Variants in STAT1 observed in about 807,000 individuals in gnomAD.
STAT1 encodes signal transducer and activator of transcription 1.
A neutral mutation model predicts 111.7 loss-of-function variants in STAT1; 24 were observed. That is an observed-to-expected ratio of 0.21 (90% CI 0.16 to 0.30). The LOEUF (loss-of-function observed/expected upper bound fraction) is 0.30, where lower values mean the gene tolerates loss of function less well. STAT1 is among the 10% of genes least tolerant of loss of function. The pLI, the probability that STAT1 is intolerant of heterozygous loss-of-function variation, is 1.00. For synonymous variants in STAT1, 332 were observed against 326.5 expected (o/e 1.02, Z -0.18); for missense variants, 351 against 911.9 (o/e 0.38, Z 7.92).
In STAT1 at chr2:190,987,005, T is replaced by A. The variant is rs1402888480; in HGVS notation, c.1127+34A>T. On this transcript the variant is annotated intron_variant, in intron 13 of 24. Transcript: ENST00000361099. This position sits in a 1 kb window ranked among gnomAD's most constrained non-coding sequence, Gnocchi z 4.0. ...CTTCCAACTATTAAATAAATAAAAA[T>A]ATAGCACAGTATAGCGTAAAGTACG... 2 of 1,610,374 alleles carry A rather than the reference T, an allele frequency of 1.2e-6. No homozygotes were observed. The highest frequency in any genetic ancestry group is 1.7e-4 in the Middle Eastern group (1 of 6,022).
At chr2:191,008,882 C>T (rs1224147924) in intron 4 of STAT1, 81 bp downstream of exon 4, 1 of 1,469,656 alleles carries the variant, frequency 6.8e-7, no homozygotes, top group African/African-American at 1.4e-5. Context: ...AGTGTGTGCT[C>T]AATTGTATTT....
At chr2:191,013,838 A>C (rs961909698) in intron 1 of STAT1, 160 bp from the exon 2 acceptor site, 23 of 393,706 alleles carry the variant, frequency 5.8e-5, no homozygotes, top group Non-Finnish European at 8.9e-5. Context: ...GAGCAGTGCC[A>C]TCTCCGAGAA....
In STAT1 at chr2:191,006,206, C is replaced by G. The variant is rs1048887197; in HGVS notation, c.372+1357G>C. ...GCATACTACTTTTAGGATGGAAGCC[C>G]CATATAATCAAAACTGCCGGCTGAA... On this transcript the variant is annotated intron_variant, in intron 5 of 24. Coordinates refer to ENST00000361099, the MANE Select transcript of STAT1 (RefSeq NM_007315.4). The surrounding 1 kb of genome is among the most constrained non-coding windows in gnomAD (Gnocchi z 4.6). Among the ~76,000 whole-genome samples the G allele has an allele frequency of 7.2e-5, 11 of 152,138 alleles. No homozygotes were observed.
chr2:190,994,927 A>AAAAAAAAAT (rs1165918318), intron 10 of STAT1, 134 bp downstream of exon 10: 3 of 134,084 alleles, frequency 2.2e-5, no homozygotes, highest in African/African-American at 1.2e-4. Flanking sequence ...AAAAAAAAAA[A>AAAAAAAAAT]ATATATATAT....
intron 10 of STAT1, among the ~76,000 whole-genome samples, chr2:190,992,474 T>TA (rs555870517): frequency 1.0e-4 from 15 of 146,114 alleles, no homozygotes; most frequent in South Asian, 4.3e-4. Context: ...GTCAAGAGAA[T>TA]AAAAAAAAAA....
chr2:190,997,164 C>T lies in STAT1; in HGVS notation c.785+692G>A, dbSNP rs1305986804. On this transcript the variant is annotated intron_variant, in intron 9 of 24. Coordinates refer to ENST00000361099, the MANE Select transcript of STAT1 (RefSeq NM_007315.4). This position sits in a 1 kb window ranked among gnomAD's most constrained non-coding sequence, Gnocchi z 7.3. ...TCTCCCACATGTGTGCCTTTGCACACGCTGTGCTCTGTGCTGGAAAGCACT... is the reference window on the plus strand; with the variant it reads ...TCTCCCACATGTGTGCCTTTGCACATGCTGTGCTCTGTGCTGGAAAGCACT... 2.0e-5 allele frequency among the ~76,000 whole-genome samples: 3 copies of T among 152,226 alleles called. No homozygotes were observed. Among genetic ancestry groups the T allele is most frequent in the Admixed American group, 6.5e-5 (1 of 15,290 alleles).
chr2:190,972,880 G>T lies in STAT1; in HGVS notation c.2238+1950C>A, dbSNP rs1691613787. 2.0e-5 allele frequency among the ~76,000 whole-genome samples: 3 copies of T among 149,284 alleles called. No homozygotes were observed. The East Asian group carries it at 6.0e-4, about 30-fold the overall frequency. ...AATGGATTTATTTTATTCTACAAAT[G>T]AAATGAATAAAATCACCTGAAATGG... On this transcript the variant is annotated intron_variant, in intron 24 of 24. Transcript: ENST00000361099.
intron 24 of STAT1, among the ~76,000 whole-genome samples, chr2:190,972,908 CG>C (rs1451390738): frequency 6.6e-6 from 1 of 150,774 alleles, no homozygotes; most frequent in Non-Finnish European, 1.5e-5. Context: ...TGAAATGGAA[CG>C]GAATGGCTAC....
chr2:191,010,864 A>T (rs1574674912), intron 2 of STAT1, among the ~76,000 whole-genome samples: 2 of 152,364 alleles, frequency 1.3e-5, no homozygotes, highest in South Asian at 2.1e-4. Flanking sequence ...GATCCTAAAG[A>T]TTCAAAATCA....
Position 190,980,644 on chromosome 2 carries a change from G to A in STAT1, c.1608C>T (p.Leu536=). 6.2e-7 allele frequency: 1 copy of A among 1,614,186 alleles called. No homozygotes were observed. The highest frequency in any genetic ancestry group is 8.5e-7 in the Non-Finnish European group (1 of 1,180,028). Residue 536 remains leucine, a synonymous_variant, in exon 19 of 25, where the codon CTC becomes CTT. Coordinates refer to ENST00000361099, the MANE Select transcript of STAT1 (RefSeq NM_007315.4). This position sits in a 1 kb window ranked among gnomAD's most constrained non-coding sequence, Gnocchi z 6.1. ...CCTTACAAAACCTCGTCCACGGAAT[G>A]AGACCATCGGGGCTGGCGTTAGGAC... The part of the protein sequence containing the change: ...LLGPNASPDG[L]IPWTRFCKEN...
Position 191,012,846 on chromosome 2 carries a change from A to G in STAT1, c.-2+679T>C. On this transcript the variant is annotated intron_variant, in intron 2 of 24. Coordinates refer to ENST00000361099, the MANE Select transcript of STAT1 (RefSeq NM_007315.4). The surrounding 1 kb of genome is among the most constrained non-coding windows in gnomAD (Gnocchi z 4.0). ...ACAAATTTTTGCGTCTCTAAATCCT[A>G]TAGCATTCAAAGCTATGTACAAAAG... Among the ~76,000 whole-genome samples the G allele has an allele frequency of 6.6e-6, 1 of 152,208 alleles. No homozygotes were observed.
rs1376472637 is a variant in STAT1 at position 190,996,280 on chromosome 2, G to A, written c.786-1061C>T. ...TTATTCACTTGCAGTAATGACAGAA[G>A]AAAACCTTTTAAAAGTGTCTTCTTC... On this transcript the variant is annotated intron_variant, in intron 9 of 24. Coordinates refer to ENST00000361099, the MANE Select transcript of STAT1 (RefSeq NM_007315.4). The surrounding 1 kb of genome is among the most constrained non-coding windows in gnomAD (Gnocchi z 4.5). Among the ~76,000 whole-genome samples the A allele has an allele frequency of 6.6e-6, 1 of 152,146 alleles. No individual in the cohort carries two copies. The highest frequency in any genetic ancestry group is 1.5e-5 in the Non-Finnish European group (1 of 68,038).
At chr2:191,005,437 C>T (rs77698891) in intron 5 of STAT1, among the ~76,000 whole-genome samples, 5,456 of 152,232 alleles carry the variant, frequency 0.036, 271 homozygotes, top group Admixed American at 0.13. Flanking sequence ...GGGGGTACCA[C>T]CTTTTATCTT....
intron 5 of STAT1, among the ~76,000 whole-genome samples, chr2:191,005,239 C>T (rs1428438803): frequency 2.0e-5 from 3 of 152,164 alleles, no homozygotes; most frequent in Non-Finnish European, 4.4e-5. Context: ...TGTTTCATCC[C>T]TATTCTCCTT....
At chr2:191,005,632 A>G (rs1694633904) in intron 5 of STAT1, among the ~76,000 whole-genome samples, 1 of 152,226 alleles carries the variant, frequency 6.6e-6, no homozygotes, top group Non-Finnish European at 1.5e-5. Flanking sequence ...AGTGCACTCT[A>G]TAATGTTTGC....
rs1194661129 is a variant in STAT1 at position 190,973,498 on chromosome 2, G to A, written c.2238+1332C>T. On this transcript the variant is annotated intron_variant, in intron 24 of 24. Transcript: ENST00000361099. This position sits in a 1 kb window ranked among gnomAD's most constrained non-coding sequence, Gnocchi z 4.4. ...AGGTGCTTAATGTCACCTATTAATG[G>A]TGGTGGTGATGATGATGTAATTTGC... Among the ~76,000 whole-genome samples, 2 of 152,164 alleles carry A rather than the reference G, an allele frequency of 1.3e-5. No homozygotes were observed. The highest frequency in any genetic ancestry group is 4.8e-5 in the African/African-American group (2 of 41,432).
Position 190,979,621 on chromosome 2 carries a change from C to A in STAT1, c.1727+151G>T. 5.5e-6 allele frequency: 3 copies of A among 549,352 alleles called. No homozygotes were observed. Among genetic ancestry groups the A allele is most frequent in the Admixed American group, 2.6e-5 (1 of 38,892 alleles). 34.0% of individuals were successfully genotyped at this position (549,352 alleles called of 1,614,324 possible). ...GTAAGGTTAATGTTATGAGGTTCTA[C>A]TCTTCTGAAGCCCTGAAGGGGCAGC... On this transcript the variant is annotated intron_variant, in intron 20 of 24. Coordinates refer to ENST00000361099, the MANE Select transcript of STAT1 (RefSeq NM_007315.4). The surrounding 1 kb of genome is among the most constrained non-coding windows in gnomAD (Gnocchi z 5.8).
chr2:190,977,476 AAAC>A lies in STAT1; in HGVS notation c.1874-454_1874-452del, dbSNP rs566177319. Among the ~76,000 whole-genome samples the A allele has an allele frequency of 2.5e-4, 38 of 152,352 alleles. No homozygotes were observed. The East Asian group carries it at 6.2e-3, about 25-fold the overall frequency. On this transcript the variant is annotated intron_variant, in intron 21 of 24. Coordinates refer to ENST00000361099, the MANE Select transcript of STAT1 (RefSeq NM_007315.4). The surrounding 1 kb of genome is among the most constrained non-coding windows in gnomAD (Gnocchi z 4.7). ...ATTAAAATAAATTATGATATATAGA[AAAC>A]AACATTTCAAATTAAAAATGATCCT...
In STAT1 at chr2:190,997,072, C is replaced by T. The variant is rs1038223717; in HGVS notation, c.785+784G>A. Among the ~76,000 whole-genome samples, 7 of 152,328 alleles carry T rather than the reference C, an allele frequency of 4.6e-5. No individual in the cohort carries two copies. Among genetic ancestry groups the T allele is most frequent in the Non-Finnish European group, 7.3e-5 (5 of 68,036 alleles). ...ACCATCAGGCTCCAGCATCTCCCAC[C>T]GGGTCCACTTTCCTTCCCATCTCCC... On this transcript the variant is annotated intron_variant, in intron 9 of 24. Transcript: ENST00000361099. The surrounding 1 kb of genome is among the most constrained non-coding windows in gnomAD (Gnocchi z 7.3).
Sources: gnomAD v4.1 joint callset for allele counts (sites outside exome capture counted in the v4.1 genomes callset) on GRCh38, gnomAD v4.1.1 for gene constraint, Gnocchi (gnomAD v3.1) non-coding constraint, MANE v1.5 for transcripts, NCBI Gene and HGNC (gene_info 2026-07-23, HGNC 2026-07-21) for gene names.